TIAM1: variants seen among roughly 807,000 people sequenced by gnomAD.
TIAM1 encodes the protein TIAM Rac1 associated GEF 1.
TIAM1 carries 65 observed loss-of-function variants against 163.5 expected under a neutral mutation model. The observed-to-expected ratio is 0.40, with a 90% CI of 0.33 to 0.49. TIAM1 has a LOEUF of 0.49. Ranked by LOEUF, TIAM1 falls within the 20% of genes least tolerant of loss-of-function variation. The pLI is 0.77. For missense variants in TIAM1, 1,789 were observed against 2,044.7 expected (o/e 0.87, Z 2.41); for synonymous variants, 833 against 810.1 (o/e 1.03, Z -0.48).
intron 2 of TIAM1, among the ~76,000 whole-genome samples, chr21:31,336,488 C>CTTT (rs34052300): frequency 4.8e-4 from 60 of 125,434 alleles, no homozygotes; most frequent in African/African-American, 1.4e-3. Context: ...TTGCCCCTTG[C>CTTT]TTTTTTTTTT....
chr21:31,518,163 T>C (rs536090026), intron 1 of TIAM1, among the ~76,000 whole-genome samples: 139 of 152,318 alleles, frequency 9.1e-4, no homozygotes, highest in African/African-American at 3.0e-3. Context: ...GAGGCAAGGG[T>C]TCTCCCCTGG....
At chr21:31,139,766 T>C (rs183395166) in intron 22 of TIAM1, among the ~76,000 whole-genome samples, 5 of 152,284 alleles carry the variant, frequency 3.3e-5, no homozygotes, top group Admixed American at 2.6e-4. Context: ...AAAAACAAAA[T>C]TGTGTTGCAG....
intron 2 of TIAM1, among the ~76,000 whole-genome samples, chr21:31,300,488 T>C (rs1046869111): frequency 3.3e-5 from 5 of 152,202 alleles, no homozygotes; most frequent in African/African-American, 1.2e-4. Flanking sequence ...AACTCTTTCA[T>C]GGCCAGAGGA....
At chr21:31,432,544 A>G (rs2044077994) in intron 2 of TIAM1, among the ~76,000 whole-genome samples, 2 of 152,164 alleles carry the variant, frequency 1.3e-5, no homozygotes, top group Admixed American at 1.3e-4. Flanking sequence ...CTTCCCAGAC[A>G]CACTCTCCGG....
chr21:31,502,794 C>A (rs1177974894), intron 1 of TIAM1, among the ~76,000 whole-genome samples: 7 of 152,214 alleles, frequency 4.6e-5, no homozygotes, highest in Admixed American at 2.0e-4. Context: ...TGGCTGTACT[C>A]TCCAATTTTG....
chr21:31,178,518 G>A (rs979027951), intron 15 of TIAM1, among the ~76,000 whole-genome samples: 1 of 152,044 alleles, frequency 6.6e-6, no homozygotes, highest in Non-Finnish European at 1.5e-5. Flanking sequence ...GTGTTAGCCA[G>A]GATGGTCTCG....
intron 2 of TIAM1, among the ~76,000 whole-genome samples, chr21:31,379,481 A>G (rs901927845): frequency 6.6e-6 from 1 of 152,130 alleles, no homozygotes; most frequent in African/African-American, 2.4e-5. Context: ...GCAAGTTATA[A>G]GTAACTCTAG....
At chr21:31,123,316 C>T (rs1389674725) in intron 27 of TIAM1, among the ~76,000 whole-genome samples, 1 of 152,114 alleles carries the variant, frequency 6.6e-6, no homozygotes, top group African/African-American at 2.4e-5. Context: ...GCAGATAAGA[C>T]AAATCCAAGA....
rs113001430 is a variant in TIAM1 at position 31,292,194 on chromosome 21, T to C, written c.-188-15286A>G. Among the ~76,000 whole-genome samples the C allele has an allele frequency of 1.3e-3, 195 of 152,296 alleles. 1 individual carries two copies. In the Middle Eastern group the frequency reaches 0.014, roughly 11 times the overall value. On this transcript the variant is annotated intron_variant, in intron 2 of 27. Transcript: ENST00000541036. ...GCTGGGAATTAAGTGAGGCAATGTATGTAAACACACTTTTTCTTGGTATTT... is the reference window on the plus strand; with the variant it reads ...GCTGGGAATTAAGTGAGGCAATGTACGTAAACACACTTTTTCTTGGTATTT...
chr21:31,428,900 A>G (rs1341420088), intron 2 of TIAM1, among the ~76,000 whole-genome samples: 4 of 152,018 alleles, frequency 2.6e-5, no homozygotes, highest in African/African-American at 9.7e-5. Context: ...AAAAAAAGTA[A>G]AAGTAAAGCA....
At chr21:31,499,381 G>A (rs1055292893) in intron 1 of TIAM1, among the ~76,000 whole-genome samples, 6 of 151,270 alleles carry the variant, frequency 4.0e-5, no homozygotes. Flanking sequence ...GCAACACGGT[G>A]AAATCGCATC....
rs1381262136 is a variant in TIAM1, at chr21:31,154,441, G to C, written c.2992-15C>G. 3 of 1,607,816 alleles carry C rather than the reference G, an allele frequency of 1.9e-6. No homozygotes were observed. In the African/African-American group the frequency reaches 4.0e-5, roughly 21 times the overall value. The stretch of plus-strand genomic sequence containing the variant: ...TGTTCTGTACTCTTCGGAGCACAGG[G>C]GGGAAGGGAAGGCAGAGGTCATTAT... On this transcript the variant is annotated splice_polypyrimidine_tract_variant and intron_variant, in intron 16 of 27. Coordinates refer to ENST00000541036, the MANE Select transcript of TIAM1 (RefSeq NM_001353694.2).
chr21:31,239,821 A>C (rs1032486561), intron 6 of TIAM1, among the ~76,000 whole-genome samples: 1 of 152,246 alleles, frequency 6.6e-6, no homozygotes, highest in African/African-American at 2.4e-5. Flanking sequence ...AGGATTTTAA[A>C]AAATCTCAGT....
At chr21:31,361,946 G>A (rs1037511067) in intron 2 of TIAM1, among the ~76,000 whole-genome samples, 2 of 152,100 alleles carry the variant, frequency 1.3e-5, no homozygotes, top group East Asian at 1.9e-4. Context: ...GCATGTAAGT[G>A]TATATACACA....
chr21:31,415,538 T>C (rs777010499), intron 2 of TIAM1, among the ~76,000 whole-genome samples: 1 of 152,140 alleles, frequency 6.6e-6, no homozygotes, highest in Non-Finnish European at 1.5e-5. Flanking sequence ...TAGGACCCAA[T>C]GTCCTCATTC....
In TIAM1 at chr21:31,196,340, G is replaced by T. The variant is rs1221489280; in HGVS notation, c.2494-1035C>A. Among the ~76,000 whole-genome samples, 49 of 148,970 alleles carry T rather than the reference G, an allele frequency of 3.3e-4. 1 individual carries two copies. Among genetic ancestry groups the T allele is most frequent in the Admixed American group, 2.7e-3 (40 of 14,892 alleles). On this transcript the variant is annotated intron_variant, in intron 12 of 27. Coordinates refer to ENST00000541036, the MANE Select transcript of TIAM1 (RefSeq NM_001353694.2). ...CTTTTTTTTTTTTTTCACACGGAGT[G>T]TTGCTCTGTTGCCCAGGCTGGAGTG...
chr21:31,523,636 G>A (rs185716733), intron 1 of TIAM1, among the ~76,000 whole-genome samples: 3 of 152,212 alleles, frequency 2.0e-5, no homozygotes, highest in South Asian at 2.1e-4. Flanking sequence ...ATAATAGTAC[G>A]TACTCAGTGG....
rs1280958042 is a variant in TIAM1, at chr21:31,178,828, C to T, written c.2887+3593G>A. 5.3e-5 allele frequency among the ~76,000 whole-genome samples: 8 copies of T among 151,650 alleles called. No homozygotes were observed. The South Asian group carries it at 8.3e-4, about 16-fold the overall frequency. On this transcript the variant is annotated intron_variant, in intron 15 of 27. Transcript: ENST00000541036. The stretch of plus-strand genomic sequence containing the variant: ...GTGCAATGGCACAATCTTGGCTCAC[C>T]GCAACCTCTGCCTCCTGGGTTCAAG...
At position 31,390,045 on chromosome 21, in the gene TIAM1, A is replaced by G. The variant is rs1162690801; in HGVS notation, c.-368-50623T>C. On this transcript the variant is annotated intron_variant, in intron 2 of 28. Transcript: ENST00000286827. ...AAGATATATTTTTAAAAAATCTATT[A>G]AGAGGAATTTTTTAGAAAGCACAAA... 3.9e-5 allele frequency among the ~76,000 whole-genome samples: 6 copies of G among 152,198 alleles called. No homozygotes were observed. In the East Asian group the frequency reaches 1.2e-3, roughly 29 times the overall value.
Sources: gnomAD v4.1 joint callset for allele counts (sites outside exome capture counted in the v4.1 genomes callset) on GRCh38, gnomAD v4.1.1 for gene constraint, MANE v1.5 for transcripts, NCBI Gene and HGNC (gene_info 2026-07-23, HGNC 2026-07-21) for gene names.